WDR19: variants seen among roughly 807,000 people sequenced by gnomAD.
WDR19 encodes WD repeat domain 19.
Under a neutral mutation model 180.0 loss-of-function variants are expected in WDR19, and 121 were observed. The ratio of observed to expected loss-of-function variants is 0.67; its 90% CI spans 0.58 to 0.78. The LOEUF (loss-of-function observed/expected upper bound fraction) is 0.78. Among genes scored for constraint, WDR19 ranks in the 30% least tolerant of loss-of-function variants. The pLI is 0.00. For synonymous variants in WDR19, 497 were observed against 540.7 expected (o/e 0.92, Z 1.12); for missense variants, 1,450 against 1,640.7 (o/e 0.88, Z 2.01).
chr4:39,253,778 CAA>C (rs757733793), intron 25 of WDR19, 126 bp from the exon 26 acceptor site: 8,295 of 540,436 alleles, frequency 0.015, no homozygotes, highest in South Asian at 0.025. Context: ...GACTCCATCT[CAA>C]AAAAAAAAAA....
At chr4:39,194,267 TATCTC>T (rs768753109) in intron 4 of WDR19, among the ~76,000 whole-genome samples, 1 of 152,218 alleles carries the variant, frequency 6.6e-6, no homozygotes, top group Non-Finnish European at 1.5e-5. Context: ...AATTAATAAA[TATCTC>T]ATCATAGGTC....
At chr4:39,186,087 A>ACTTTTCCCTGGTAATAACTTTT (rs1311705901) in intron 2 of WDR19, among the ~76,000 whole-genome samples, 13 of 151,988 alleles carry the variant, frequency 8.6e-5, no homozygotes, top group Admixed American at 4.6e-4. Context: ...AGTTCATAGA[A>ACTTTTCCCTGGTAATAACTTTT]CCTTTTCCCT....
chr4:39,244,307 A>G lies in WDR19; in HGVS notation c.2481A>G (p.Ile827Met). 6.2e-7 allele frequency: 1 copy of G among 1,614,006 alleles called. No individual in the cohort carries two copies. Among genetic ancestry groups the G allele is most frequent in the Admixed American group, 1.7e-5 (1 of 60,022 alleles). ...AGATGTCCATAAGAATGGGAGACAT[A>G]CGTCGAGGGGTTAACCAAGCCCTCA... ...VAQMSIRMGDIRRGVNQALKH... is the reference protein window; with the variant it reads ...VAQMSIRMGDMRRGVNQALKH... Residue 827 changes from isoleucine (I) to methionine (M), a missense_variant, in exon 22 of 37, where the codon ATA becomes ATG. Physicochemically the swap from Ile to Met is conservative, Grantham distance 10. Transcript: ENST00000399820.
chr4:39,214,473 G>A lies in WDR19; in HGVS notation c.891-128G>A, dbSNP rs1282631800. ...GAAATTCTAATATTTTCTTAACCCAGTAGATCATTCTGTACATCACATTTT... is the reference window on the plus strand; with the variant it reads ...GAAATTCTAATATTTTCTTAACCCAATAGATCATTCTGTACATCACATTTT... On this transcript the variant is annotated intron_variant, in intron 9 of 36. Transcript: ENST00000399820. 8.5e-5 allele frequency: 47 copies of A among 553,702 alleles called. 1 individual carries two copies. In the East Asian group the frequency reaches 1.5e-3, roughly 18 times the overall value. The allele number at this position is 553,702 out of a possible 1,614,324, so 34.3% of individuals were successfully genotyped here. A position where few individuals can be genotyped will look rare whatever the true frequency, so the allele number is the denominator to read the frequency against.
intron 36 of WDR19, among the ~76,000 whole-genome samples, chr4:39,278,973 G>A (rs1470601011): frequency 6.6e-6 from 1 of 151,698 alleles, no homozygotes; most frequent in African/African-American, 2.4e-5. Flanking sequence ...TTTTTTTTAG[G>A]GTCTGTGATA....
intron 20 of WDR19, among the ~76,000 whole-genome samples, chr4:39,240,025 A>G (rs1731750497): frequency 6.6e-6 from 1 of 152,014 alleles, no homozygotes; most frequent in Non-Finnish European, 1.5e-5. Context: ...ATTCTTTTAA[A>G]AATTTGCAAG....
chr4:39,234,191 GT>G, intron 19 of WDR19, among the ~76,000 whole-genome samples: 1 of 152,170 alleles, frequency 6.6e-6, no homozygotes, highest in East Asian at 1.9e-4. Flanking sequence ...TGTTTAGGAA[GT>G]ATGAATAAAG....
intron 3 of WDR19, among the ~76,000 whole-genome samples, chr4:39,187,678 T>TA (rs1189257530): frequency 6.6e-6 from 1 of 152,226 alleles, no homozygotes; most frequent in East Asian, 1.9e-4. Context: ...AAAGAAGCTA[T>TA]AATTATATGT....
chr4:39,191,383 G>A (rs1488654238), intron 4 of WDR19, among the ~76,000 whole-genome samples: 2 of 152,062 alleles, frequency 1.3e-5, no homozygotes, highest in African/African-American at 4.8e-5. Flanking sequence ...AGCAATTTAG[G>A]TTTTATAAAA....
chr4:39,194,732 T>C lies in WDR19; in HGVS notation c.406+73T>C. On this transcript the variant is annotated intron_variant, in intron 5 of 36. Transcript: ENST00000399820. ...CAATGTAAATTCTGCCGCCTCAGGT[T>C]TCCCTGATCTTGCAATGGAAATTTT... 7 of 1,183,648 alleles carry C rather than the reference T, an allele frequency of 5.9e-6. No individual in the cohort carries two copies. The South Asian group carries it at 9.5e-5, about 16-fold the overall frequency. 73.3% of individuals were successfully genotyped at this position (1,183,648 alleles called of 1,614,324 possible).
At chr4:39,254,771 A>G (rs1371010453) in intron 26 of WDR19, among the ~76,000 whole-genome samples, 1 of 152,172 alleles carries the variant, frequency 6.6e-6, no homozygotes, top group Non-Finnish European at 1.5e-5. Context: ...CCGTTAAATA[A>G]TAATTCCCCA....
rs184881601 is a variant in WDR19 at position 39,273,319 on chromosome 4, A to G, written c.3565+258A>G. On this transcript the variant is annotated intron_variant, in intron 32 of 36. Transcript: ENST00000399820. ...AAGGATCTGAGGCAAAATGAGCAGA[A>G]GGATTCACGCAAAGGCGAGCAGGTG... The G allele has an allele frequency of 5.7e-5, 27 of 474,072 alleles. No homozygotes were observed. In the East Asian group the frequency reaches 1.1e-3, roughly 19 times the overall value. 29.4% of individuals were successfully genotyped at this position (474,072 alleles called of 1,614,324 possible). A position where few individuals can be genotyped will look rare whatever the true frequency, so the allele number is the denominator to read the frequency against.
At chr4:39,275,373 A>C (rs1157548217) in intron 33 of WDR19, 3 of 274,656 alleles carry the variant, frequency 1.1e-5, no homozygotes, top group Non-Finnish European at 2.1e-5. Flanking sequence ...CATATCAATT[A>C]GGATTGTATT....
intron 14 of WDR19, 52 bp downstream of exon 14, chr4:39,218,157 T>C: frequency 6.4e-7 from 1 of 1,564,792 alleles, no homozygotes; most frequent in Non-Finnish European, 8.7e-7. Context: ...AATTTTTATT[T>C]TGTGATCTCA....
At chr4:39,217,269 G>A (rs369031869) in intron 13 of WDR19, 29 bp downstream of exon 13, 43 of 1,493,434 alleles carry the variant, frequency 2.9e-5, no homozygotes, top group Admixed American at 1.2e-4. Flanking sequence ...TCCTGGAGAC[G>A]CGCTAAGTTA....
intron 5 of WDR19, chr4:39,194,886 CCT>C (rs1261010935): frequency 2.2e-6 from 1 of 462,060 alleles, no homozygotes; most frequent in Non-Finnish European, 3.9e-6. Context: ...TCAGGCTGTG[CCT>C]TTCGCATCAG....
rs141103896 is a variant in WDR19 at position 39,237,306 on chromosome 4, C to A, written c.2363+2431C>A. ...AGGTACGGTGACTCATGCCTGTAAT[C>A]TTAGCACTTTGAGAGGCCCAAGGGA... On this transcript the variant is annotated intron_variant, in intron 20 of 36. Coordinates refer to ENST00000399820, the MANE Select transcript of WDR19 (RefSeq NM_025132.4). Among the ~76,000 whole-genome samples the A allele has an allele frequency of 3.0e-3, 451 of 152,256 alleles. 3 individuals are homozygous for A. Among genetic ancestry groups the A allele is most frequent in the African/African-American group, 9.7e-3 (401 of 41,544 alleles).
chr4:39,244,796 A>G lies in WDR19; in HGVS notation c.2645+244A>G, dbSNP rs1012503019. On this transcript the variant is annotated intron_variant, in intron 23 of 36. Transcript: ENST00000399820. ...ATCAGATAAATTAGTAGGAAAAAACAAAAACCCTGTTGTCCTAAAAGAGTT... is the reference window on the plus strand; with the variant it reads ...ATCAGATAAATTAGTAGGAAAAAACGAAAACCCTGTTGTCCTAAAAGAGTT... Among the ~76,000 whole-genome samples the G allele has an allele frequency of 2.0e-5, 3 of 152,266 alleles. No homozygotes were observed. In the East Asian group the frequency reaches 5.8e-4, roughly 29 times the overall value.
intron 26 of WDR19, 150 bp downstream of exon 26, chr4:39,254,180 T>TA: frequency 1.5e-6 from 1 of 672,744 alleles, no homozygotes; most frequent in Non-Finnish European, 2.1e-6. Context: ...TGTATCTATG[T>TA]TATGTGTTGG....
Sources: gnomAD v4.1 joint callset for allele counts (sites outside exome capture counted in the v4.1 genomes callset) on GRCh38, gnomAD v4.1.1 for gene constraint, MANE v1.5 for transcripts, NCBI Gene and HGNC (gene_info 2026-07-23, HGNC 2026-07-21) for gene names.